Variants in CLIP1 observed in about 807,000 individuals in gnomAD.
CLIP1 encodes CAP-Gly domain containing linker protein 1.
CLIP1 carries 66 observed loss-of-function variants against 161.6 expected under a neutral mutation model. That is an observed-to-expected ratio of 0.41 (90% confidence interval 0.33 to 0.50). CLIP1 has a LOEUF of 0.50. Among genes scored for constraint, CLIP1 ranks in the 20% least tolerant of loss-of-function variants. The pLI, the probability that CLIP1 is intolerant of heterozygous loss-of-function variation, is 0.27. For synonymous variants in CLIP1, 598 were observed against 626.2 expected, an observed-to-expected ratio of 0.96 and a Z score of 0.67; for missense variants, 1,376 against 1,702.0, an observed-to-expected ratio of 0.81 and a Z score of 3.37.
intron 20 of CLIP1, among the ~76,000 whole-genome samples, chr12:122,306,418 G>A (rs998962353): frequency 2.6e-5 from 4 of 152,058 alleles, no homozygotes; most frequent in Non-Finnish European, 5.9e-5. Context: ...CAGAAACTGG[G>A]GCCCTGGCTA....
In CLIP1 at chr12:122,272,069, T is replaced by C. The variant is rs569805770; in HGVS notation, c.*806A>G. On this transcript the variant is annotated 3_prime_UTR_variant, in exon 26 of 26. Transcript: ENST00000620786. Reference sequence around the variant, plus strand: ...CTAGTCTGTTATGTCCTAATGATCATTTTAAGTGTTTTCTTTTTCAAAAAG... The same window carrying C: ...CTAGTCTGTTATGTCCTAATGATCACTTTAAGTGTTTTCTTTTTCAAAAAG... 65 of 152,516 alleles carry C rather than the reference T, an allele frequency of 4.3e-4. No individual in the cohort carries two copies. The highest frequency in any genetic ancestry group is 1.5e-3 in the African/African-American group (61 of 41,592). 9.4% of individuals were successfully genotyped at this position (152,516 alleles called of 1,614,324 possible).
intron 15 of CLIP1, among the ~76,000 whole-genome samples, chr12:122,330,597 GTTTTTTTTT>G (rs71082966): frequency 9.9e-6 from 1 of 101,404 alleles, no homozygotes; most frequent in Non-Finnish European, 1.8e-5. Flanking sequence ...GTATAATGCA[GTTTTTTTTT>G]TTTTTTTTTT....
intron 1 of CLIP1, among the ~76,000 whole-genome samples, chr12:122,403,932 G>A (rs1211881283): frequency 6.6e-6 from 1 of 152,178 alleles, no homozygotes. Flanking sequence ...CCGATGACAT[G>A]ATGACACTGT....
At chr12:122,396,933 ATTTTTTTTT>A (rs34381270) in intron 1 of CLIP1, among the ~76,000 whole-genome samples, 2 of 75,060 alleles carry the variant, frequency 2.7e-5, no homozygotes, top group African/African-American at 5.3e-5. Flanking sequence ...CACCCGGCAA[ATTTTTTTTT>A]TTTTTTTTTT....
Position 122,393,155 on chromosome 12 carries a change from T to C in CLIP1, c.-106-12597A>G, listed in dbSNP as rs188256406. On this transcript the variant is annotated intron_variant, in intron 1 of 25. Coordinates refer to ENST00000620786, the MANE Select transcript of CLIP1 (RefSeq NM_001247997.2). Reference sequence around the variant, plus strand: ...CCCTGTGGCTAAAATTCACTGCAGATTGGCAATCTTGTTTTTTTTTTTTTT... The same window carrying C: ...CCCTGTGGCTAAAATTCACTGCAGACTGGCAATCTTGTTTTTTTTTTTTTT... 2.6e-3 allele frequency among the ~76,000 whole-genome samples: 386 copies of C among 149,346 alleles called. 3 individuals are homozygous for C. The highest frequency in any genetic ancestry group is 9.4e-3 in the African/African-American group (378 of 40,204).
intron 5 of CLIP1, among the ~76,000 whole-genome samples, chr12:122,358,458 A>AC (rs1392015850): frequency 1.3e-4 from 1 of 7,536 alleles, no homozygotes; most frequent in Admixed American, 8.6e-4. Context: ...AAGAAAAAAG[A>AC]AAAAAAAAAC....
intron 5 of CLIP1, among the ~76,000 whole-genome samples, chr12:122,357,626 A>G (rs1199320770): frequency 5.9e-4 from 66 of 112,162 alleles, no homozygotes; most frequent in Non-Finnish European, 6.8e-4. Context: ...CTGCCCGGCC[A>G]CCCCTACTGG....
intron 20 of CLIP1, among the ~76,000 whole-genome samples, chr12:122,291,242 T>A (rs928968125): frequency 5.9e-5 from 9 of 151,766 alleles, no homozygotes; most frequent in Non-Finnish European, 1.3e-4. Flanking sequence ...TAGGCTGGAG[T>A]GCAGTGGCGC....
intron 20 of CLIP1, among the ~76,000 whole-genome samples, chr12:122,294,493 T>G (rs1164527413): frequency 6.6e-6 from 1 of 151,810 alleles, no homozygotes; most frequent in Non-Finnish European, 1.5e-5. Flanking sequence ...CCGGGCACAG[T>G]GGCTCACACC....
chr12:122,386,853 CT>C lies in CLIP1; in HGVS notation c.-106-6296del, dbSNP rs1038561894. ...AAAAAAAAAAAAAGAGAGAGAGATT[CT>C]GAGCTTACAAAGCTGACGGTAAGAT... On this transcript the variant is annotated intron_variant, in intron 1 of 25. Transcript: ENST00000620786. Among the ~76,000 whole-genome samples, 34 of 148,148 alleles carry C rather than the reference CT, an allele frequency of 2.3e-4. No individual in the cohort carries two copies. In the East Asian group the frequency reaches 6.2e-3, roughly 27 times the overall value.
intron 7 of CLIP1, 85 bp from the exon 8 acceptor site, chr12:122,352,871 A>C (rs7962849): frequency 6.8e-6 from 8 of 1,180,192 alleles, no homozygotes; most frequent in South Asian, 1.2e-5. Context: ...ACAAAAAAAC[A>C]CGTTGGGCAT....
Position 122,294,590 on chromosome 12 carries a change from T to C in CLIP1, c.3595-6049A>G, listed in dbSNP as rs1260805254. On this transcript the variant is annotated intron_variant, in intron 20 of 25. Coordinates refer to ENST00000620786, the MANE Select transcript of CLIP1 (RefSeq NM_001247997.2). Reference sequence around the variant, plus strand: ...CCAGCCTGGGTAACATAGTGAGACCTTGTCTCTATAAAAAGATCAAAAAAT... The same window carrying C: ...CCAGCCTGGGTAACATAGTGAGACCCTGTCTCTATAAAAAGATCAAAAAAT... 4.6e-5 allele frequency among the ~76,000 whole-genome samples: 7 copies of C among 151,748 alleles called. No individual in the cohort carries two copies. In the East Asian group the frequency reaches 1.4e-3, roughly 29 times the overall value.
intron 20 of CLIP1, among the ~76,000 whole-genome samples, chr12:122,306,904 T>G (rs1164412040): frequency 6.6e-6 from 1 of 151,160 alleles, no homozygotes; most frequent in East Asian, 1.9e-4. Context: ...AGTTTTATTC[T>G]CAGAATAGAA....
At position 122,355,635 on chromosome 12, in the gene CLIP1, T is replaced by C; in HGVS notation, c.1006-323A>G. On this transcript the variant is annotated intron_variant, in intron 5 of 25. Transcript: ENST00000620786. This position sits in a 1 kb window ranked among gnomAD's most constrained non-coding sequence, Gnocchi z 4.1. ...ACCTGGCCAAGATGATGAGACCCCA[T>C]CTCTACTAAAAATACAAAAATTAGC... 3.9e-6 allele frequency: 1 copy of C among 258,630 alleles called. No homozygotes were observed. The highest frequency in any genetic ancestry group is 7.4e-6 in the Non-Finnish European group (1 of 134,396). 16.0% of individuals were successfully genotyped at this position (258,630 alleles called of 1,614,324 possible).
At chr12:122,277,573 G>C (rs1310074178) in intron 24 of CLIP1, 1 of 152,132 alleles carries the variant, frequency 6.6e-6, no homozygotes, top group Non-Finnish European at 1.5e-5. Flanking sequence ...TTAAGGTTCA[G>C]ATGAGTAACA....
chr12:122,296,559 T>C (rs1231660583), intron 20 of CLIP1, among the ~76,000 whole-genome samples: 1 of 152,206 alleles, frequency 6.6e-6, no homozygotes, highest in Non-Finnish European at 1.5e-5. Context: ...ATTACACATA[T>C]TTGTATTGTT....
At chr12:122,290,858 C>CTTTTTTTT (rs565095841) in intron 20 of CLIP1, among the ~76,000 whole-genome samples, 2 of 148,742 alleles carry the variant, frequency 1.3e-5, no homozygotes, top group Admixed American at 6.7e-5. Context: ...TTTCTTTTTT[C>CTTTTTTTT]TTTTTTTTAT....
rs754293605 is a variant in CLIP1, at chr12:122,341,583, C to T, written c.1621G>A (p.Asp541Asn). Residue 541 changes from aspartate to asparagine, a missense_variant, in exon 11 of 26, where the codon GAT becomes AAT. Coordinates refer to ENST00000620786, the MANE Select transcript of CLIP1 (RefSeq NM_001247997.2). ...RRLESNKPAGDVDMSLSLLQE... is the reference protein window; with the variant it reads ...RRLESNKPAGNVDMSLSLLQE... ...AAAAGGGAAAGTGACATGTCCACAT[C>T]CCCAGCAGGCTTATTGGACTCTAGC... The T allele has an allele frequency of 6.2e-7, 1 of 1,613,858 alleles. No homozygotes were observed. Among genetic ancestry groups the T allele is most frequent in the Non-Finnish European group, 8.5e-7 (1 of 1,179,982 alleles).
chr12:122,405,991 C>T (rs1036054467), intron 1 of CLIP1, among the ~76,000 whole-genome samples: 4 of 150,538 alleles, frequency 2.7e-5, no homozygotes, highest in East Asian at 2.0e-4. Flanking sequence ...CGCTTGAATC[C>T]GGGAGGCAGA....
Sources: allele counts gnomAD v4.1 joint callset (sites outside exome capture counted in the v4.1 genomes callset), GRCh38; gene constraint gnomAD v4.1.1; non-coding constraint Gnocchi (gnomAD v3.1); transcripts MANE v1.5; gene names NCBI Gene and HGNC (gene_info 2026-07-23, HGNC 2026-07-21).